ADARB1: variants seen among roughly 807,000 people sequenced by gnomAD.
ADARB1 encodes the protein double-stranded RNA-specific editase 1.
Under a neutral mutation model 52.4 loss-of-function variants are expected in ADARB1, and 10 were observed. The observed-to-expected ratio is 0.19, with a 90% CI of 0.12 to 0.32. ADARB1 has a LOEUF of 0.32. Among genes scored for constraint, ADARB1 ranks in the 10% least tolerant of loss-of-function variants. ADARB1 has a pLI of 1.00. For missense variants in ADARB1, 643 were observed against 922.3 expected (o/e 0.70, Z 3.92); for synonymous variants, 349 against 371.1 (o/e 0.94, Z 0.68).
intron 1 of ADARB1, among the ~76,000 whole-genome samples, chr21:45,107,936 C>G (rs1380567238): frequency 6.6e-6 from 1 of 152,138 alleles, no homozygotes; most frequent in Non-Finnish European, 1.5e-5. Context: ...TGGCACACAC[C>G]TGTAGTCCCA....
intron 2 of ADARB1, among the ~76,000 whole-genome samples, chr21:45,139,098 T>G (rs956971919): frequency 6.6e-6 from 1 of 152,094 alleles, no homozygotes; most frequent in Admixed American, 6.5e-5. Flanking sequence ...TTTTTGTAGT[T>G]TTTGTAGAGA....
intron 1 of ADARB1, among the ~76,000 whole-genome samples, chr21:45,119,809 C>T (rs1050773068): frequency 1.3e-5 from 2 of 152,196 alleles, no homozygotes; most frequent in African/African-American, 4.8e-5. Context: ...GAATTGTCAT[C>T]GTGGTATATA....
At chr21:45,193,030 C>A (rs2092340604) in intron 8 of ADARB1, among the ~76,000 whole-genome samples, 3 of 152,090 alleles carry the variant, frequency 2.0e-5, no homozygotes, top group Admixed American at 2.0e-4. Flanking sequence ...GAAGAAATAC[C>A]CATTTTGCAC....
chr21:45,142,306 T>G lies in ADARB1; in HGVS notation c.-48+13733T>G, dbSNP rs1411009457. 6.6e-6 allele frequency among the ~76,000 whole-genome samples: 1 copy of G among 152,352 alleles called. No homozygotes were observed. The highest frequency in any genetic ancestry group is 1.9e-4 in the East Asian group (1 of 5,194). Reference sequence around the variant, plus strand: ...TAGACTTTGATTTTTAACCCTAAGTTGCATGGTAAAGTCACCTTTAAAGCC... The same window carrying G: ...TAGACTTTGATTTTTAACCCTAAGTGGCATGGTAAAGTCACCTTTAAAGCC... On this transcript the variant is annotated intron_variant, in intron 2 of 10. Coordinates refer to ENST00000348831, the MANE Select transcript of ADARB1 (RefSeq NM_001112.4). This position sits in a 1 kb window ranked among gnomAD's most constrained non-coding sequence, Gnocchi z 4.0.
In ADARB1 at chr21:45,077,551, C is replaced by T. The variant is rs552661612; in HGVS notation, c.-220+2758C>T. ...GCATGGTGGTGGGCGCCTGTAGTCC[C>T]AGCTACTTGGGAGGCTGAGGCAGGA... On this transcript the variant is annotated intron_variant, in intron 1 of 10. Transcript: ENST00000348831. 8.0e-4 allele frequency among the ~76,000 whole-genome samples: 122 copies of T among 152,098 alleles called. 1 individual carries two copies. Among genetic ancestry groups the T allele is most frequent in the African/African-American group, 2.9e-3 (119 of 41,496 alleles).
At chr21:45,133,694 A>AT (rs2089103165) in intron 2 of ADARB1, 1 of 278,990 alleles carries the variant, frequency 3.6e-6, no homozygotes, top group African/African-American at 2.3e-5. Flanking sequence ...TGTGTGCCCG[A>AT]CGGTGTGTGC....
At chr21:45,178,446 A>C (rs990212867) in intron 4 of ADARB1, among the ~76,000 whole-genome samples, 7 of 152,232 alleles carry the variant, frequency 4.6e-5, no homozygotes, top group Admixed American at 2.6e-4. Context: ...ATGGAGCTGC[A>C]CTTCGAGTCT....
At chr21:45,180,563 CT>C (rs1328434528) in intron 5 of ADARB1, 119 bp downstream of exon 5, 1 of 830,620 alleles carries the variant, frequency 1.2e-6, no homozygotes, top group East Asian at 2.7e-5. Context: ...TTCTTTTCTT[CT>C]TCAAAATGTC....
At chr21:45,201,236 C>A (rs773093283) in intron 8 of ADARB1, among the ~76,000 whole-genome samples, 5 of 152,130 alleles carry the variant, frequency 3.3e-5, no homozygotes, top group Non-Finnish European at 7.4e-5. Flanking sequence ...TGGCGCTAGG[C>A]GATTTCATCC....
At chr21:45,099,857 T>A (rs1049662069) in intron 1 of ADARB1, among the ~76,000 whole-genome samples, 2 of 152,118 alleles carry the variant, frequency 1.3e-5, no homozygotes, top group Non-Finnish European at 2.9e-5. Context: ...CCTGAAGCCC[T>A]CCTAGATGCT....
intron 8 of ADARB1, among the ~76,000 whole-genome samples, chr21:45,194,736 T>C (rs2092386776): frequency 6.6e-6 from 1 of 152,238 alleles, no homozygotes; most frequent in Admixed American, 6.5e-5. Context: ...CATTCAAGAT[T>C]CTTTGATGCC....
Position 45,222,638 on chromosome 21 carries a change from A to T in ADARB1, c.*441A>T. 1 of 991,792 alleles carries T rather than the reference A, an allele frequency of 1.0e-6. No individual in the cohort carries two copies. The highest frequency in any genetic ancestry group is 1.7e-5 in the African/African-American group (1 of 57,626). The allele number at this position is 991,792 out of a possible 1,614,324, so 61.4% of individuals were successfully genotyped here. A position where few individuals can be genotyped will look rare whatever the true frequency, so the allele number is the denominator to read the frequency against. ...AATTGTGTCAGGTCACTTTTATGCC[A>T]CATTATTTTAATTGCAAAAAAGCAT... is the stretch of plus-strand genomic sequence containing the variant. On this transcript the variant is annotated 3_prime_UTR_variant, in exon 11 of 11. Coordinates refer to ENST00000348831, the MANE Select transcript of ADARB1 (RefSeq NM_001112.4).
At chr21:45,097,511 G>A (rs1569004059) in intron 1 of ADARB1, among the ~76,000 whole-genome samples, 1 of 151,996 alleles carries the variant, frequency 6.6e-6, no homozygotes, top group Non-Finnish European at 1.5e-5. Flanking sequence ...CCGTGGAAGG[G>A]TCCCTGTGGC....
At chr21:45,083,418 A>C (rs1376196076) in intron 1 of ADARB1, among the ~76,000 whole-genome samples, 1 of 152,210 alleles carries the variant, frequency 6.6e-6, no homozygotes, top group Admixed American at 6.5e-5. Context: ...TTTATAAAAC[A>C]TTCAAAATTG....
intron 1 of ADARB1, among the ~76,000 whole-genome samples, chr21:45,091,345 T>C (rs1350264874): frequency 6.6e-6 from 1 of 152,244 alleles, no homozygotes; most frequent in Non-Finnish European, 1.5e-5. Context: ...TCTGCTTTTA[T>C]TGAATTCTTA....
chr21:45,152,661 T>C (rs2090355204), intron 2 of ADARB1: 2 of 451,964 alleles, frequency 4.4e-6, no homozygotes, highest in Non-Finnish European at 8.9e-6. Flanking sequence ...TTCAGCATCA[T>C]GGGGCGTCGG....
At chr21:45,088,445 A>G (rs2086431413) in intron 1 of ADARB1, among the ~76,000 whole-genome samples, 1 of 152,266 alleles carries the variant, frequency 6.6e-6, no homozygotes, top group Non-Finnish European at 1.5e-5. Context: ...TGTATAATCT[A>G]TAAAACAAAG....
At position 45,222,953 on chromosome 21, in the gene ADARB1, C is replaced by G; in HGVS notation, c.*756C>G. On this transcript the variant is annotated 3_prime_UTR_variant, in exon 11 of 11. Transcript: ENST00000348831. The stretch of plus-strand genomic sequence containing the variant: ...GAAGCTTCTGTACTCCTTGTAGGAT[C>G]AGATCATGGAAAACTTTTCTCAGTT... 1 of 985,490 alleles carries G rather than the reference C, an allele frequency of 1.0e-6. No individual in the cohort carries two copies. The highest frequency in any genetic ancestry group is 1.2e-6 in the Non-Finnish European group (1 of 829,938). 61.0% of individuals were successfully genotyped at this position (985,490 alleles called of 1,614,324 possible).
chr21:45,093,857 G>A (rs545954481), intron 1 of ADARB1, among the ~76,000 whole-genome samples: 1 of 152,274 alleles, frequency 6.6e-6, no homozygotes, highest in Non-Finnish European at 1.5e-5. Flanking sequence ...AAGTACATTA[G>A]GATTGGGTTT....
Sources: gnomAD v4.1 joint callset for allele counts (sites outside exome capture counted in the v4.1 genomes callset) on GRCh38, gnomAD v4.1.1 for gene constraint, Gnocchi (gnomAD v3.1) non-coding constraint, MANE v1.5 for transcripts, NCBI Gene and HGNC (gene_info 2026-07-23, HGNC 2026-07-21) for gene names.